Variants in GPR37 observed in about 807,000 individuals in gnomAD.
The protein encoded by GPR37 is G protein-coupled receptor 37, also known as prosaposin receptor GPR37.
A neutral mutation model predicts 43.6 loss-of-function variants in GPR37; 20 were observed. That is an observed-to-expected ratio of 0.46 (90% CI 0.32 to 0.67). The LOEUF (loss-of-function observed/expected upper bound fraction) is 0.67, where lower values mean the gene tolerates loss of function less well. Ranked by LOEUF, GPR37 falls within the 30% of genes least tolerant of loss-of-function variation. The probability of loss-of-function intolerance (pLI) is 0.03; values close to 1 mark genes in which losing one functional copy is unlikely to be tolerated. For synonymous variants in GPR37, 315 were observed against 322.6 expected (o/e 0.98, Z 0.25); for missense variants, 724 against 797.2 (o/e 0.91, Z 1.11).
Position 124,764,514 on chromosome 7 carries a change from C to T in GPR37, c.463G>A (p.Gly155Ser). Residue 155 changes from glycine to serine, a missense_variant, in exon 1 of 2, where the codon GGT becomes AGT. Physicochemically the swap from Gly to Ser is moderately conservative, Grantham distance 56. This residue lies in a region of GPR37 where 382 missense variants were observed against 355.4 expected (regional missense o/e 1.07). Transcript: ENST00000303921. This position sits in a 1 kb window ranked among gnomAD's most constrained non-coding sequence, Gnocchi z 5.4. The part of the protein sequence containing the change: ...FLQISEEEEK[G>S]PRGAGISGRS... ...CCGGAAATGCCAGCGCCTCTGGGAC[C>T]CTTCTCTTCCTCCTCTGAGATCTGA... is the stretch of plus-strand genomic sequence containing the variant. 6.2e-7 allele frequency: 1 copy of T among 1,613,680 alleles called. No individual in the cohort carries two copies. The highest frequency in any genetic ancestry group is 1.1e-5 in the South Asian group (1 of 91,086).
chr7:124,757,664 A>C (rs1229458725), intron 1 of GPR37, among the ~76,000 whole-genome samples: 1 of 152,216 alleles, frequency 6.6e-6, no homozygotes, highest in Admixed American at 6.6e-5. Flanking sequence ...GACCCATTTC[A>C]GTGCCATTTC....
chr7:124,763,134 C>T (rs921428428), intron 1 of GPR37, among the ~76,000 whole-genome samples: 1 of 152,190 alleles, frequency 6.6e-6, no homozygotes, highest in African/African-American at 2.4e-5. Flanking sequence ...ACTAGATGTG[C>T]CCCCTTCTTC....
chr7:124,756,745 T>C (rs533486891), intron 1 of GPR37, among the ~76,000 whole-genome samples: 14 of 152,190 alleles, frequency 9.2e-5, no homozygotes, highest in East Asian at 1.9e-4. Flanking sequence ...CTGCACTGCA[T>C]AGCTGCCTTC....
At chr7:124,747,470 G>T in intron 1 of GPR37, 127 bp from the exon 2 acceptor site, 2 of 593,440 alleles carry the variant, frequency 3.4e-6, no homozygotes, top group Admixed American at 3.2e-5. Flanking sequence ...GAGAGAGAGA[G>T]AACAGTTTTC....
intron 1 of GPR37, among the ~76,000 whole-genome samples, chr7:124,751,150 A>T (rs1256632696): frequency 1.3e-5 from 2 of 152,096 alleles, no homozygotes; most frequent in Non-Finnish European, 2.9e-5. Flanking sequence ...CAACAGGGTA[A>T]ACAGTCCAGA....
intron 1 of GPR37, 41 bp from the exon 2 acceptor site, chr7:124,747,384 C>A: frequency 3.0e-6 from 4 of 1,329,848 alleles, no homozygotes; most frequent in Non-Finnish European, 3.1e-6. Context: ...CGGTGTCCCC[C>A]GAAAGATCAA....
Position 124,764,266 on chromosome 7 carries a change from C to G in GPR37, c.711G>C (p.Arg237=). 6.3e-7 allele frequency: 1 copy of G among 1,598,560 alleles called. No homozygotes were observed. ...TCACACGCCGGTTCGTGCTGTTTCC[C>G]CGGCGGGGACCCCCAGGCTCATGGA... ...EGIHEPGGPR[R]GNSTNRRVRL... is the part of the protein sequence containing the mutation. The change falls in exon 1 of 2, where the codon CGG becomes CGC. Residue 237 remains arginine (R), a synonymous_variant. Transcript: ENST00000303921. The surrounding 1 kb of genome is among the most constrained non-coding windows in gnomAD (Gnocchi z 5.4).
rs567822901 is a variant in GPR37 at position 124,746,864 on chromosome 7, A to G, written c.1503T>C (p.Tyr501=). The change falls in exon 2 of 2, where the codon TAT becomes TAC. Residue 501 remains tyrosine (Y), a synonymous_variant. Transcript: ENST00000303921. ...TATTTTCAGGAATAATGCAAAATCC[A>G]TATAAAATGGTCAGTGCCACTACTG... is the stretch of plus-strand genomic sequence containing the variant. ...NCTVVALTIL[Y]GFCIIPENIC... The G allele has an allele frequency of 1.7e-5, 27 of 1,614,088 alleles. 1 individual carries two copies. In the South Asian group the frequency reaches 2.6e-4, roughly 16 times the overall value.
At position 124,746,937 on chromosome 7, in the gene GPR37, G is replaced by T. The variant is rs1320453913; in HGVS notation, c.1430C>A (p.Thr477Asn). ...TTGAATCTGCCGTTTATTCCCTCGG[G>T]TACAGGCTTTCTCTGCTTTGCGGAT... ...RKIRKAEKAC[T>N]RGNKRQIQLE... The change falls in exon 2 of 2, where the codon ACC becomes AAC. Residue 477 changes from threonine (T) to asparagine (N), a missense_variant. Thr to Asn is a moderately conservative substitution (Grantham distance 65). Transcript: ENST00000303921. 1 of 1,614,038 alleles carries T rather than the reference G, an allele frequency of 6.2e-7. No individual in the cohort carries two copies. The highest frequency in any genetic ancestry group is 1.7e-5 in the Admixed American group (1 of 60,002).
Position 124,764,279 on chromosome 7 carries a change from C to G in GPR37, c.698G>C (p.Gly233Ala). 6.2e-7 allele frequency: 1 copy of G among 1,600,924 alleles called. No individual in the cohort carries two copies. Among genetic ancestry groups the G allele is most frequent in the Non-Finnish European group, 8.5e-7 (1 of 1,173,768 alleles). The change falls in exon 1 of 2, where the codon GGG (glycine) becomes GCG (alanine). Residue 233 changes from glycine (G) to alanine (A), a missense_variant. By Grantham distance (60) the Gly-to-Ala change is moderately conservative. Transcript: ENST00000303921. This position sits in a 1 kb window ranked among gnomAD's most constrained non-coding sequence, Gnocchi z 5.4. ...GSLGEGIHEP[G>A]GPRRGNSTNR... The stretch of plus-strand genomic sequence containing the variant: ...CGTGCTGTTTCCCCGGCGGGGACCC[C>G]CAGGCTCATGGATTCCTTCACCCAA...
chr7:124,760,189 G>A (rs564497705), intron 1 of GPR37, among the ~76,000 whole-genome samples: 36 of 152,194 alleles, frequency 2.4e-4, no homozygotes, highest in African/African-American at 8.2e-4. Flanking sequence ...CATAGTTAAA[G>A]AAAGGAAAAA....
At chr7:124,752,282 T>C (rs946731032) in intron 1 of GPR37, among the ~76,000 whole-genome samples, 1 of 152,152 alleles carries the variant, frequency 6.6e-6, no homozygotes, top group Admixed American at 6.5e-5. Flanking sequence ...CAATGCTATA[T>C]GTGTGTGTGT....
At chr7:124,755,054 A>G (rs1793776851) in intron 1 of GPR37, among the ~76,000 whole-genome samples, 1 of 152,210 alleles carries the variant, frequency 6.6e-6, no homozygotes, top group Non-Finnish European at 1.5e-5. Flanking sequence ...TCATGATACT[A>G]TGGCAGTGAC....
chr7:124,764,513 C>T lies in GPR37; in HGVS notation c.464G>A (p.Gly155Asp). The T allele has an allele frequency of 1.2e-6, 2 of 1,613,640 alleles. No homozygotes were observed. The highest frequency in any genetic ancestry group is 1.7e-6 in the Non-Finnish European group (2 of 1,180,034). The change falls in exon 1 of 2, where the codon GGT (glycine) becomes GAT (aspartate). Residue 155 changes from glycine (G) to aspartate (D), a missense_variant. Transcript: ENST00000303921. This position sits in a 1 kb window ranked among gnomAD's most constrained non-coding sequence, Gnocchi z 5.4. ...FLQISEEEEK[G>D]PRGAGISGRS... ...CCCGGAAATGCCAGCGCCTCTGGGA[C>T]CCTTCTCTTCCTCCTCTGAGATCTG...
At chr7:124,757,945 A>G (rs1363336749) in intron 1 of GPR37, among the ~76,000 whole-genome samples, 1 of 152,218 alleles carries the variant, frequency 6.6e-6, no homozygotes, top group Non-Finnish European at 1.5e-5. Context: ...AGAAAATAAT[A>G]AATTATTCAA....
chr7:124,752,106 C>T (rs1218181286), intron 1 of GPR37, among the ~76,000 whole-genome samples: 1 of 152,112 alleles, frequency 6.6e-6, no homozygotes, highest in Non-Finnish European at 1.5e-5. Context: ...AGAGTAACAA[C>T]AATAAAGCTC....
Position 124,765,732 on chromosome 7 carries a change from G to A in GPR37, c.-756C>T, listed in dbSNP as rs953386415. 1 of 152,440 alleles carries A rather than the reference G, an allele frequency of 6.6e-6. No individual in the cohort carries two copies. Among genetic ancestry groups the A allele is most frequent in the African/African-American group, 2.4e-5 (1 of 41,486 alleles). The allele number at this position is 152,440 out of a possible 1,614,324, so 9.4% of individuals were successfully genotyped here. The stretch of plus-strand genomic sequence containing the variant: ...GCAGAGAAGGAAATCGTGGGGAGAA[G>A]GGGGAGAAGAGGGCGCCGCTCGTCG... On this transcript the variant is annotated 5_prime_UTR_variant, in exon 1 of 2. Transcript: ENST00000303921.
intron 1 of GPR37, among the ~76,000 whole-genome samples, chr7:124,757,314 C>G (rs1450240280): frequency 1.3e-5 from 2 of 152,058 alleles, no homozygotes; most frequent in Non-Finnish European, 2.9e-5. Flanking sequence ...TATTTAGTGT[C>G]CTTATAGCTA....
intron 1 of GPR37, among the ~76,000 whole-genome samples, chr7:124,763,019 T>C (rs1793868426): frequency 6.6e-6 from 1 of 152,180 alleles, no homozygotes. Context: ...AGAGAGGCCA[T>C]TTAAAGAGCA....
Sources: gnomAD v4.1 joint callset for allele counts (sites outside exome capture counted in the v4.1 genomes callset) on GRCh38, gnomAD v4.1.1 for gene constraint, gnomAD v4.1.1 regional missense constraint, Gnocchi (gnomAD v3.1) non-coding constraint, MANE v1.5 for transcripts, NCBI Gene and HGNC (gene_info 2026-07-23, HGNC 2026-07-21) for gene names.